PICALM: variants seen among roughly 807,000 people sequenced by gnomAD.
The protein encoded by PICALM is phosphatidylinositol binding clathrin assembly protein.
PICALM carries 40 observed loss-of-function variants against 80.5 expected under a neutral mutation model. The ratio of observed to expected loss-of-function variants is 0.50; its 90% CI spans 0.39 to 0.65. The LOEUF (loss-of-function observed/expected upper bound fraction) is 0.65. PICALM is among the 30% of genes least tolerant of loss of function. The pLI is 0.00. For synonymous variants in PICALM, 288 were observed against 260.3 expected (o/e 1.11, Z -1.02); for missense variants, 676 against 778.9 (o/e 0.87, Z 1.57).
At chr11:85,992,682 G>A (rs563304142) in intron 12 of PICALM, among the ~76,000 whole-genome samples, 1 of 151,924 alleles carries the variant, frequency 6.6e-6, no homozygotes, top group South Asian at 2.1e-4. Context: ...TGTTTTTCAC[G>A]CAAAAAAAGC....
At chr11:86,055,812 C>T (rs140000628) in intron 1 of PICALM, among the ~76,000 whole-genome samples, 1 of 152,092 alleles carries the variant, frequency 6.6e-6, no homozygotes, top group Non-Finnish European at 1.5e-5. Flanking sequence ...CCAATGATTT[C>T]TTAGATATAT....
At chr11:85,993,316 G>A (rs1051695090) in intron 12 of PICALM, among the ~76,000 whole-genome samples, 9 of 151,110 alleles carry the variant, frequency 6.0e-5, no homozygotes, top group Admixed American at 4.0e-4. Context: ...CGAACTCCTG[G>A]GCTCAAATAA....
At chr11:85,999,574 A>G (rs35992035) in intron 11 of PICALM, among the ~76,000 whole-genome samples, 15,451 of 152,224 alleles carry the variant, frequency 0.1, 955 homozygotes, top group Admixed American at 0.15. Flanking sequence ...CATAAAGCTG[A>G]AAGAAAAAAA....
intron 1 of PICALM, among the ~76,000 whole-genome samples, chr11:86,031,934 A>G (rs1272554613): frequency 6.6e-6 from 1 of 152,194 alleles, no homozygotes; most frequent in Admixed American, 6.5e-5. Flanking sequence ...TTTCCTTACT[A>G]CTTAAAAACC....
intron 1 of PICALM, among the ~76,000 whole-genome samples, chr11:86,038,418 T>C (rs891474672): frequency 6.6e-6 from 1 of 152,204 alleles, no homozygotes; most frequent in African/African-American, 2.4e-5. Flanking sequence ...GGTCAGTATT[T>C]TGAACACAAG....
rs1437494014 is a variant in PICALM at position 85,958,333 on chromosome 11, T to TG, written c.*712dup. ...AGAATTCTTAAGAGATTCAGACCTA[T>TG]GGACTTGCCTTAAAATATTTAGTGC... On this transcript the variant is annotated 3_prime_UTR_variant, in exon 20 of 20. Transcript: ENST00000393346. 6 of 213,760 alleles carry TG rather than the reference T, an allele frequency of 2.8e-5. No individual in the cohort carries two copies. The highest frequency in any genetic ancestry group is 3.8e-5 in the Non-Finnish European group (4 of 105,600). 13.2% of individuals were successfully genotyped at this position (213,760 alleles called of 1,614,324 possible).
chr11:86,048,900 G>T (rs928742900), intron 1 of PICALM, among the ~76,000 whole-genome samples: 1 of 151,076 alleles, frequency 6.6e-6, no homozygotes, highest in South Asian at 2.1e-4. Context: ...TCATTAAACA[G>T]CTGGTTTTAC....
At chr11:85,996,217 G>T (rs1421249795) in intron 12 of PICALM, among the ~76,000 whole-genome samples, 4 of 152,044 alleles carry the variant, frequency 2.6e-5, no homozygotes, top group Non-Finnish European at 5.9e-5. Context: ...AACTTATCTT[G>T]CTATGAGAGA....
In PICALM at chr11:85,958,837, A is replaced by T. The variant is rs1372815559; in HGVS notation, c.*209T>A. 2.3e-6 allele frequency: 1 copy of T among 431,176 alleles called. No individual in the cohort carries two copies. The highest frequency in any genetic ancestry group is 2.0e-5 in the African/African-American group (1 of 50,308). 26.7% of individuals were successfully genotyped at this position (431,176 alleles called of 1,614,324 possible). A position where few individuals can be genotyped will look rare whatever the true frequency, so the allele number is the denominator to read the frequency against. ...CAGATCTTAGTCTTAAATCATAGCA[A>T]TTCTTGGCTTTATAAACTGTATTGA... On this transcript the variant is annotated 3_prime_UTR_variant, in exon 20 of 20. Coordinates refer to ENST00000393346, the MANE Select transcript of PICALM (RefSeq NM_007166.4).
chr11:86,010,124 G>A (rs2095365892), intron 7 of PICALM, among the ~76,000 whole-genome samples: 1 of 152,090 alleles, frequency 6.6e-6, no homozygotes, highest in African/African-American at 2.4e-5. Context: ...TGGAGAATGG[G>A]AGAACAAACA....
At chr11:86,001,667 A>G (rs1271186404) in intron 9 of PICALM, among the ~76,000 whole-genome samples, 1 of 152,212 alleles carries the variant, frequency 6.6e-6, no homozygotes, top group African/African-American at 2.4e-5. Context: ...GGTTCCTTCA[A>G]AAGAAGACTG....
At chr11:85,974,913 G>C in intron 18 of PICALM, 101 bp from the exon 19 acceptor site, 1 of 803,704 alleles carries the variant, frequency 1.2e-6, no homozygotes, top group Non-Finnish European at 2.2e-6. Flanking sequence ...TAGTACCTTT[G>C]CTTGACTCAA....
Position 86,044,080 on chromosome 11 carries a change from A to G in PICALM, c.131-12469T>C, listed in dbSNP as rs184269232. Among the ~76,000 whole-genome samples the G allele has an allele frequency of 1.7e-3, 255 of 152,350 alleles. 1 individual carries two copies. The highest frequency in any genetic ancestry group is 5.8e-3 in the African/African-American group (242 of 41,576). On this transcript the variant is annotated intron_variant, in intron 1 of 19. Coordinates refer to ENST00000393346, the MANE Select transcript of PICALM (RefSeq NM_007166.4). ...CGCCAATAGTGTCTTAGGAGTTAGA[A>G]ATATACAATAGTGGACAAAGTTTCT...
chr11:86,038,919 G>T (rs2095895022), intron 1 of PICALM, among the ~76,000 whole-genome samples: 1 of 152,014 alleles, frequency 6.6e-6, no homozygotes, highest in African/African-American at 2.4e-5. Context: ...AGACCAGCCT[G>T]GCCAACATGG....
intron 17 of PICALM, among the ~76,000 whole-genome samples, chr11:85,980,619 G>C (rs588076): frequency 0.81 from 123,168 of 152,130 alleles, 50,009 homozygotes; most frequent in African/African-American, 0.87. Flanking sequence ...TGACAAAACC[G>C]AAGCAAGTAT....
At chr11:85,992,396 T>C (rs1253191245) in intron 12 of PICALM, among the ~76,000 whole-genome samples, 1 of 151,908 alleles carries the variant, frequency 6.6e-6, no homozygotes, top group Admixed American at 6.6e-5. Flanking sequence ...GCAATTCTCC[T>C]GCCTCAACCT....
At chr11:86,039,721 T>C (rs1283873371) in intron 1 of PICALM, among the ~76,000 whole-genome samples, 2 of 152,014 alleles carry the variant, frequency 1.3e-5, no homozygotes, top group Non-Finnish European at 2.9e-5. Flanking sequence ...CAAAATTGTG[T>C]TGGGTGTCTT....
Position 85,982,716 on chromosome 11 carries a change from C to T in PICALM, c.1517-713G>A, listed in dbSNP as rs540424224. ...TGCTGGGATTACAGGCGTGAGCCAC[C>T]GCGCCCGGCCGAGACCTTTTTTTTA... is the stretch of plus-strand genomic sequence containing the variant. On this transcript the variant is annotated intron_variant, in intron 14 of 19. Coordinates refer to ENST00000393346, the MANE Select transcript of PICALM (RefSeq NM_007166.4). Among the ~76,000 whole-genome samples the T allele has an allele frequency of 4.1e-3, 616 of 151,640 alleles. 5 individuals carry two copies. Among genetic ancestry groups the T allele is most frequent in the African/African-American group, 0.014 (582 of 41,264 alleles).
At chr11:86,015,228 T>G (rs1466875722) in intron 4 of PICALM, among the ~76,000 whole-genome samples, 1 of 152,202 alleles carries the variant, frequency 6.6e-6, no homozygotes, top group African/African-American at 2.4e-5. Flanking sequence ...AAGTATACAT[T>G]ATACAGCAAG....
Sources: gnomAD v4.1 joint callset for allele counts (sites outside exome capture counted in the v4.1 genomes callset) on GRCh38, gnomAD v4.1.1 for gene constraint, MANE v1.5 for transcripts, NCBI Gene and HGNC (gene_info 2026-07-23, HGNC 2026-07-21) for gene names.